The following EPHX2 variants were observed in gnomAD, a reference collection of about 807,000 sequenced individuals.
EPHX2 encodes bifunctional epoxide hydrolase 2.
In EPHX2, 74 loss-of-function variants were observed where a neutral mutation model predicts 78.7. The ratio of observed to expected loss-of-function variants is 0.94; its 90% confidence interval spans 0.78 to 1.14. The LOEUF (loss-of-function observed/expected upper bound fraction) is 1.14. Ranked by LOEUF, EPHX2 falls within the 50% of genes most tolerant of loss-of-function variation. The pLI is 0.00. For synonymous variants in EPHX2, 251 were observed against 255.2 expected, an observed-to-expected ratio of 0.98 and a Z score of 0.16; for missense variants, 715 against 702.5, an observed-to-expected ratio of 1.02 and a Z score of -0.20.
rs201541609 is a variant in EPHX2 at position 27,536,765 on chromosome 8, G to A, written c.1171-19G>A. The A allele has an allele frequency of 7.4e-6, 12 of 1,613,602 alleles. No homozygotes were observed. The Admixed American group carries it at 2.0e-4, about 27-fold the overall frequency. On this transcript the variant is annotated intron_variant, in intron 12 of 18. Coordinates refer to ENST00000521400, the MANE Select transcript of EPHX2 (RefSeq NM_001979.6). ...CGATTTCTAGGGGGTCCTTCATTTT[G>A]CTTTCTTGATTGTTTTAGGGAGTGG...
intron 5 of EPHX2, among the ~76,000 whole-genome samples, chr8:27,507,549 C>T (rs753306175): frequency 3.9e-5 from 6 of 152,142 alleles, no homozygotes; most frequent in Non-Finnish European, 8.8e-5. Context: ...TCACTGAGTC[C>T]ACAGCCTTCT....
chr8:27,538,843 G>A lies in EPHX2; in HGVS notation c.1276+151G>A, dbSNP rs569474886. On this transcript the variant is annotated intron_variant, in intron 14 of 18. Transcript: ENST00000521400. ...GGGTCCCCTCGGCATGCATAGGGCT[G>A]ACTCTAACCCCAGGCCTGAGCACAC... 34 of 776,058 alleles carry A rather than the reference G, an allele frequency of 4.4e-5. No individual in the cohort carries two copies. In the East Asian group the frequency reaches 8.5e-4, roughly 19 times the overall value. The allele number at this position is 776,058 out of a possible 1,614,324, so 48.1% of individuals were successfully genotyped here.
intron 9 of EPHX2, 55 bp downstream of exon 9, chr8:27,518,127 ACCC>A: frequency 6.7e-7 from 1 of 1,489,904 alleles, no homozygotes; most frequent in Non-Finnish European, 9.2e-7. Context: ...GTTGCTATAA[ACCC>A]GAAGCTGGGG....
rs186308307 is a variant in EPHX2, at chr8:27,536,813, C to A, written c.1200C>A (p.Asn400Lys). 48 of 1,612,642 alleles carry A rather than the reference C, an allele frequency of 3.0e-5. No individual in the cohort carries two copies. In the East Asian group the frequency reaches 1.0e-3, roughly 34 times the overall value. The change falls in exon 13 of 19, where the codon AAC (asparagine) becomes AAA (lysine). Residue 400 changes from asparagine (N) to lysine (K), a missense_variant. Coordinates refer to ENST00000521400, the MANE Select transcript of EPHX2 (RefSeq NM_001979.6). ...PGVAEAELEQ[N>K]LSRTFKSLFR... ...TGGCTGAGGCTGAACTGGAACAGAA[C>A]CTGAGTCGGACTTTCAAAAGCCTCT... is the stretch of plus-strand genomic sequence containing the variant.
At chr8:27,538,738 T>C in intron 14 of EPHX2, 46 bp downstream of exon 14, 3 of 1,596,920 alleles carry the variant, frequency 1.9e-6, no homozygotes, top group Non-Finnish European at 2.6e-6. Flanking sequence ...CAGCTGAATG[T>C]TAAAGGGATG....
In EPHX2 at chr8:27,511,926, C is replaced by G. The variant is rs779025055; in HGVS notation, c.735+16C>G. 2.5e-6 allele frequency: 4 copies of G among 1,613,502 alleles called. No homozygotes were observed. The highest frequency in any genetic ancestry group is 3.3e-5 in the Admixed American group (2 of 60,008). Reference sequence around the variant, plus strand: ...GACAGTAAAGGTGAGTCAGTTTTGTCTCTCAGTCGGCTAAGTGCTCTCCCA... The same window carrying G: ...GACAGTAAAGGTGAGTCAGTTTTGTGTCTCAGTCGGCTAAGTGCTCTCCCA... On this transcript the variant is annotated intron_variant, in intron 6 of 18. Transcript: ENST00000521400.
chr8:27,515,846 G>A, intron 7 of EPHX2, 33 bp downstream of exon 7: 2 of 1,589,886 alleles, frequency 1.3e-6, no homozygotes, highest in Non-Finnish European at 1.7e-6. Flanking sequence ...AGCCAGTCAG[G>A]GTGAGGTTGG....
chr8:27,501,372 CTT>C (rs1563340274), intron 2 of EPHX2, among the ~76,000 whole-genome samples: 25 of 121,024 alleles, frequency 2.1e-4, no homozygotes, highest in African/African-American at 3.8e-4. Context: ...TCTTCTTCTT[CTT>C]CTTCTTCTTC....
rs1563334368 is a variant in EPHX2 at position 27,491,200 on chromosome 8, CCCG to C, written c.-3_-1del. 6 of 1,573,844 alleles carry C rather than the reference CCCG, an allele frequency of 3.8e-6. No individual in the cohort carries two copies. The highest frequency in any genetic ancestry group is 5.1e-6 in the Non-Finnish European group (6 of 1,168,756). On this transcript the variant is annotated 5_prime_UTR_variant, in exon 1 of 19. Transcript: ENST00000521400. ...GCGTGTCCGGGTGCTAGGCTGCAGA[CCCG>C]CCGCCATGACGCTGCGCGCGGCCGT...
At position 27,517,737 on chromosome 8, in the gene EPHX2, A is replaced by G. The variant is rs146480465; in HGVS notation, c.911-301A>G. 5.9e-5 allele frequency among the ~76,000 whole-genome samples: 9 copies of G among 152,352 alleles called. No individual in the cohort carries two copies. In the East Asian group the frequency reaches 1.7e-3, roughly 29 times the overall value. The stretch of plus-strand genomic sequence containing the variant: ...TACACCACACACAAAAATCAACTCA[A>G]AATGGATGAAAGGCTTAGATGTATG... On this transcript the variant is annotated intron_variant, in intron 8 of 18. Transcript: ENST00000521400.
chr8:27,497,284 G>A (rs2132709087), intron 1 of EPHX2, among the ~76,000 whole-genome samples: 1 of 152,302 alleles, frequency 6.6e-6, no homozygotes, highest in South Asian at 2.1e-4. Flanking sequence ...TGTCCTCTGG[G>A]GCAGTGTGCC....
rs1813888441 is a variant in EPHX2 at position 27,503,742 on chromosome 8, G to T, written c.325G>T (p.Ala109Ser). Residue 109 changes from alanine to serine, a missense_variant, in exon 3 of 19, where the codon GCT (alanine) becomes TCT (serine). Coordinates refer to ENST00000521400, the MANE Select transcript of EPHX2 (RefSeq NM_001979.6). ...GATCAACCGCCCCATGCTCCAGGCA[G>T]CTCTCATGCTCAGGAAGAAAGGTAA... ...RKINRPMLQA[A>S]LMLRKKGFTT... 1 of 1,612,390 alleles carries T rather than the reference G, an allele frequency of 6.2e-7. No homozygotes were observed. Among genetic ancestry groups the T allele is most frequent in the Non-Finnish European group, 8.5e-7 (1 of 1,179,948 alleles).
In EPHX2 at chr8:27,525,371, C is replaced by A; in HGVS notation, c.1068C>A (p.Ala356=). 1 of 1,614,028 alleles carries A rather than the reference C, an allele frequency of 6.2e-7. No homozygotes were observed. The highest frequency in any genetic ancestry group is 8.5e-7 in the Non-Finnish European group (1 of 1,179,966). The stretch of plus-strand genomic sequence containing the variant: ...CCTCTTATTTCTGTAGGGCGGTGGC[C>A]AGTTTGAATACTCCCTTCATACCAG... The part of the protein sequence containing the change: ...LFYPERVRAV[A]SLNTPFIPAN... The change falls in exon 12 of 19, where the codon GCC becomes GCA. Residue 356 remains alanine (A), a synonymous_variant. Transcript: ENST00000521400.
chr8:27,536,713 T>C (rs768831015), intron 12 of EPHX2, 71 bp from the exon 13 acceptor site: 146 of 1,547,458 alleles, frequency 9.4e-5, no homozygotes, highest in Non-Finnish European at 1.2e-4. Context: ...TTGCTTTCAG[T>C]CAGATGAAGG....
At chr8:27,491,507 G>A (rs1046385746) in intron 1 of EPHX2, among the ~76,000 whole-genome samples, 198 bp downstream of exon 1, 16 of 152,238 alleles carry the variant, frequency 1.1e-4, no homozygotes, top group African/African-American at 3.9e-4. Flanking sequence ...ATAATTAAAC[G>A]TTGCCAAGGT....
At chr8:27,513,698 G>A (rs570429107) in intron 6 of EPHX2, among the ~76,000 whole-genome samples, 1 of 152,280 alleles carries the variant, frequency 6.6e-6, no homozygotes, top group Admixed American at 6.5e-5. Flanking sequence ...GAAAGGACAT[G>A]CGTTTGCTGG....
At position 27,544,187 on chromosome 8, in the gene EPHX2, T is replaced by C. The variant is rs765532308; in HGVS notation, c.1532T>C (p.Ile511Thr). Residue 511 changes from isoleucine (I) to threonine (T), a missense_variant and splice_region_variant, in exon 18 of 19, where the codon ATT (isoleucine) becomes ACT (threonine). Transcript: ENST00000521400. ...TTTCTGCCTGGGGTTTCCTTTCAGA[T>C]TCCCCACCTGAAAAGGGGACACATT... is the stretch of plus-strand genomic sequence containing the variant. Reference protein sequence around the residue: ...PQMSQHMEDWIPHLKRGHIED... With the variant: ...PQMSQHMEDWTPHLKRGHIED... 1.2e-6 allele frequency: 2 copies of C among 1,614,184 alleles called. No individual in the cohort carries two copies. Among genetic ancestry groups the C allele is most frequent in the South Asian group, 2.2e-5 (2 of 91,078 alleles).
intron 2 of EPHX2, among the ~76,000 whole-genome samples, chr8:27,502,067 C>T (rs1262646877): frequency 2.0e-5 from 3 of 152,214 alleles, no homozygotes; most frequent in Non-Finnish European, 4.4e-5. Flanking sequence ...AAAACATTCT[C>T]AGCGCTGTAG....
chr8:27,499,193 G>A (rs1328039626), intron 1 of EPHX2, among the ~76,000 whole-genome samples: 1 of 152,166 alleles, frequency 6.6e-6, no homozygotes, highest in Non-Finnish European at 1.5e-5. Flanking sequence ...CATCCATGAA[G>A]GTGGAGCCCT....
Sources: gnomAD v4.1 joint callset for allele counts (sites outside exome capture counted in the v4.1 genomes callset) on GRCh38, gnomAD v4.1.1 for gene constraint, MANE v1.5 for transcripts, NCBI Gene and HGNC (gene_info 2026-07-23, HGNC 2026-07-21) for gene names.